SLC22A15: variants seen among roughly 807,000 people sequenced by gnomAD.
SLC22A15 encodes flipt 1.
Under a neutral mutation model 62.7 loss-of-function variants are expected in SLC22A15, and 45 were observed. The ratio of observed to expected loss-of-function variants is 0.72; its 90% confidence interval spans 0.56 to 0.92. The LOEUF (loss-of-function observed/expected upper bound fraction) is 0.92. Ranked by LOEUF, SLC22A15 falls within the 40% of genes least tolerant of loss-of-function variation. SLC22A15 has a pLI of 0.00. For synonymous variants in SLC22A15, 264 were observed against 267.0 expected (o/e 0.99, Z 0.11); for missense variants, 622 against 665.6 (o/e 0.93, Z 0.72).
chr1:116,034,327 A>G (rs1202671188), intron 6 of SLC22A15, among the ~76,000 whole-genome samples: 1 of 152,186 alleles, frequency 6.6e-6, no homozygotes, highest in Non-Finnish European at 1.5e-5. Context: ...TCCTAGGCAT[A>G]GAAGTTCCTA....
At chr1:116,029,312 A>C (rs1476914360) in intron 5 of SLC22A15, among the ~76,000 whole-genome samples, 1 of 152,156 alleles carries the variant, frequency 6.6e-6, no homozygotes, top group Non-Finnish European at 1.5e-5. Flanking sequence ...GGTCCCCTTA[A>C]TTTACAAAGA....
At chr1:115,977,661 T>C (rs1654382889) in intron 1 of SLC22A15, among the ~76,000 whole-genome samples, 1 of 152,224 alleles carries the variant, frequency 6.6e-6, no homozygotes, top group South Asian at 2.1e-4. Context: ...GGACAAATCA[T>C]TGACTGCCCT....
chr1:116,019,598 A>G lies in SLC22A15; in HGVS notation c.317A>G (p.Asn106Ser), dbSNP rs957914317. ...SIASEWFLIA[N>S]RSYKVSAASS... Reference sequence around the variant, plus strand: ...TTCCTCTAGTGGTTTTTAATTGCCAACAGATCCTACAAAGTCAGTGCAGCA... The same window carrying G: ...TTCCTCTAGTGGTTTTTAATTGCCAGCAGATCCTACAAAGTCAGTGCAGCA... The change falls in exon 3 of 12, where the codon AAC becomes AGC. Residue 106 changes from asparagine (N) to serine (S), a missense_variant. Asn to Ser is a conservative substitution (Grantham distance 46). Transcript: ENST00000369503. The G allele has an allele frequency of 1.2e-6, 2 of 1,606,232 alleles. No individual in the cohort carries two copies. Among genetic ancestry groups the G allele is most frequent in the Non-Finnish European group, 1.7e-6 (2 of 1,177,950 alleles).
intron 1 of SLC22A15, among the ~76,000 whole-genome samples, chr1:115,981,217 G>A (rs772322029): frequency 6.6e-6 from 1 of 152,194 alleles, no homozygotes; most frequent in African/African-American, 2.4e-5. Context: ...CTCTTGTTCA[G>A]TTATAAAAGA....
chr1:115,976,537 C>T lies in SLC22A15; in HGVS notation c.-91C>T. On this transcript the variant is annotated 5_prime_UTR_variant, in exon 1 of 12. Coordinates refer to ENST00000369503, the MANE Select transcript of SLC22A15 (RefSeq NM_018420.3). ...CATCCCCGCCCCGGCGGGTCCAAGC[C>T]GGTGCCGGGCGCCCAGGGGTTGCCG... 1 of 880,150 alleles carries T rather than the reference C, an allele frequency of 1.1e-6. No homozygotes were observed. Among genetic ancestry groups the T allele is most frequent in the Non-Finnish European group, 1.6e-6 (1 of 614,778 alleles). The allele number at this position is 880,150 out of a possible 1,614,324, so 54.5% of individuals were successfully genotyped here. A position where few individuals can be genotyped will look rare whatever the true frequency, so the allele number is the denominator to read the frequency against.
chr1:116,022,375 T>C (rs1305257898), intron 4 of SLC22A15, among the ~76,000 whole-genome samples: 1 of 149,190 alleles, frequency 6.7e-6, no homozygotes, highest in South Asian at 2.2e-4. Context: ...GCCTGCTCCC[T>C]GTATCCAGGG....
At chr1:116,047,708 C>T (rs1031805293) in intron 8 of SLC22A15, among the ~76,000 whole-genome samples, 6 of 152,096 alleles carry the variant, frequency 3.9e-5, no homozygotes, top group African/African-American at 1.2e-4. Flanking sequence ...AGGAATACCC[C>T]GTGAGACAAA....
intron 2 of SLC22A15, among the ~76,000 whole-genome samples, chr1:116,016,082 C>A (rs1209082479): frequency 6.6e-6 from 1 of 151,510 alleles, no homozygotes; most frequent in Non-Finnish European, 1.5e-5. Flanking sequence ...CTTTCTTTTT[C>A]TTTTCTTTTC....
chr1:116,037,165 G>A, intron 7 of SLC22A15, 138 bp from the exon 8 acceptor site: 1 of 683,574 alleles, frequency 1.5e-6, no homozygotes, highest in Non-Finnish European at 2.5e-6. Context: ...TTTCCTATCA[G>A]TCACATTTGC....
chr1:116,048,189 C>T (rs1251935638), intron 8 of SLC22A15, among the ~76,000 whole-genome samples: 1 of 152,156 alleles, frequency 6.6e-6, no homozygotes, highest in Admixed American at 6.5e-5. Flanking sequence ...ACTTCCCTGG[C>T]CTTGCTAGAG....
At chr1:116,055,196 G>A (rs549066927) in intron 8 of SLC22A15, among the ~76,000 whole-genome samples, 7,461 of 151,406 alleles carry the variant, frequency 0.049, 246 homozygotes, top group African/African-American at 0.089. Flanking sequence ...GAATCAAATA[G>A]ACGCAATAAA....
chr1:115,994,905 C>T (rs1655342932), intron 2 of SLC22A15, among the ~76,000 whole-genome samples: 1 of 152,232 alleles, frequency 6.6e-6, no homozygotes. Context: ...ATTTTCCTCT[C>T]ATGTATTGAA....
At chr1:116,064,314 T>C in intron 9 of SLC22A15, 122 bp from the exon 10 acceptor site, 3 of 686,120 alleles carry the variant, frequency 4.4e-6, no homozygotes, top group South Asian at 1.8e-5. Flanking sequence ...TAGAACCCAC[T>C]GTTCTCTAGG....
At chr1:116,008,929 G>A (rs987289896) in intron 2 of SLC22A15, among the ~76,000 whole-genome samples, 10 of 152,142 alleles carry the variant, frequency 6.6e-5, no homozygotes, top group African/African-American at 2.4e-4. Context: ...GACTCATGAG[G>A]AGCCTGGCCA....
chr1:116,049,140 A>G (rs1657995297), intron 8 of SLC22A15, among the ~76,000 whole-genome samples: 1 of 152,252 alleles, frequency 6.6e-6, no homozygotes, highest in African/African-American at 2.4e-5. Flanking sequence ...AGACAGCAAC[A>G]TAATAATAAT....
chr1:115,982,042 C>A (rs987166620), intron 1 of SLC22A15, among the ~76,000 whole-genome samples: 2 of 152,214 alleles, frequency 1.3e-5, no homozygotes, highest in Non-Finnish European at 2.9e-5. Flanking sequence ...TTTAGGATTT[C>A]TCAGAGTTTC....
At chr1:116,004,896 G>A (rs1352426350) in intron 2 of SLC22A15, among the ~76,000 whole-genome samples, 1 of 152,108 alleles carries the variant, frequency 6.6e-6, no homozygotes, top group Non-Finnish European at 1.5e-5. Flanking sequence ...ATGAGTTGTG[G>A]TTGTTTGTAC....
At chr1:116,066,384 G>T in intron 10 of SLC22A15, 136 bp from the exon 11 acceptor site, 2 of 676,112 alleles carry the variant, frequency 3.0e-6, no homozygotes, top group Middle Eastern at 2.7e-4. Context: ...GAAAGAAGTG[G>T]CTTATAGTGT....
chr1:115,988,543 G>C (rs977286899), intron 1 of SLC22A15, among the ~76,000 whole-genome samples: 1 of 151,880 alleles, frequency 6.6e-6, no homozygotes, highest in African/African-American at 2.4e-5. Context: ...ATTTTTTGGG[G>C]GGGGACTCTC....
Sources: allele counts gnomAD v4.1 joint callset (sites outside exome capture counted in the v4.1 genomes callset), GRCh38; gene constraint gnomAD v4.1.1; transcripts MANE v1.5; gene names NCBI Gene and HGNC (gene_info 2026-07-23, HGNC 2026-07-21).